Variants in DSCAM observed in about 807,000 individuals in gnomAD.
DSCAM encodes cell adhesion molecule DSCAM.
A neutral mutation model predicts 217.7 loss-of-function variants in DSCAM; 47 were observed. The ratio of observed to expected loss-of-function variants is 0.22; its 90% confidence interval spans 0.17 to 0.28. The LOEUF is 0.28. Among genes scored for constraint, DSCAM ranks in the 10% least tolerant of loss-of-function variants. The probability of loss-of-function intolerance (pLI) is 1.00; values close to 1 mark genes in which losing one functional copy is unlikely to be tolerated. For missense variants in DSCAM, 2,080 were observed against 2,618.3 expected, an observed-to-expected ratio of 0.79 and a Z score of 4.49; for synonymous variants, 1,056 against 1,015.3, an observed-to-expected ratio of 1.04 and a Z score of -0.76.
chr21:40,738,572 G>C (rs1487064648), intron 1 of DSCAM, among the ~76,000 whole-genome samples: 2 of 152,096 alleles, frequency 1.3e-5, no homozygotes, highest in Non-Finnish European at 2.9e-5. Context: ...CTTGCCTTTT[G>C]GAGACCTCTC....
intron 4 of DSCAM, among the ~76,000 whole-genome samples, chr21:40,356,044 T>C (rs1341170748): frequency 1.3e-5 from 2 of 152,224 alleles, no homozygotes; most frequent in Non-Finnish European, 2.9e-5. Flanking sequence ...TGTATATGTA[T>C]ATCAACACTT....
At chr21:40,290,022 A>G (rs2073871507) in intron 10 of DSCAM, among the ~76,000 whole-genome samples, 1 of 152,176 alleles carries the variant, frequency 6.6e-6, no homozygotes, top group Non-Finnish European at 1.5e-5. Context: ...CACAAAGAAG[A>G]ACAGACCTTG....
chr21:40,312,316 A>T lies in DSCAM; in HGVS notation c.1827T>A (p.Ile609=). 6.2e-7 allele frequency: 1 copy of T among 1,614,084 alleles called. No homozygotes were observed. The highest frequency in any genetic ancestry group is 8.5e-7 in the Non-Finnish European group (1 of 1,179,998). Reference sequence around the variant, plus strand: ...CACAGGGGATGAAGACCCGCTGCCCAATGGAGAATCTTGGAAACTCAAAGG... The same window carrying T: ...CACAGGGGATGAAGACCCGCTGCCCTATGGAGAATCTTGGAAACTCAAAGG... ...IQPFEFPRFS[I]GQRVFIPCVV... The change falls in exon 9 of 33, where the codon ATT becomes ATA. Residue 609 remains isoleucine (I), a synonymous_variant. Transcript: ENST00000400454.
intron 1 of DSCAM, among the ~76,000 whole-genome samples, chr21:40,737,554 T>G (rs572547718): frequency 6.6e-6 from 1 of 152,200 alleles, no homozygotes; most frequent in African/African-American, 2.4e-5. Flanking sequence ...GGCAGGAGAA[T>G]CACTTGAACC....
intron 1 of DSCAM, among the ~76,000 whole-genome samples, chr21:40,736,793 A>C (rs565355953): frequency 6.6e-6 from 1 of 151,368 alleles, no homozygotes; most frequent in East Asian, 1.9e-4. Context: ...CTGAAGTTAC[A>C]ATCTTAAATA....
intron 1 of DSCAM, among the ~76,000 whole-genome samples, chr21:40,766,152 TG>T (rs892881659): frequency 2.4e-4 from 37 of 151,766 alleles, no homozygotes; most frequent in African/African-American, 8.7e-4. Context: ...GGGTTGGGGG[TG>T]GGGGAAGAAA....
At chr21:40,545,711 G>A (rs1054688564) in intron 3 of DSCAM, among the ~76,000 whole-genome samples, 3 of 152,196 alleles carry the variant, frequency 2.0e-5, no homozygotes, top group African/African-American at 4.8e-5. Flanking sequence ...TGCAGGCATT[G>A]AGCTGGCACC....
rs547413937 is a variant in DSCAM, at chr21:40,392,422, A to G, written c.509-23177T>C. On this transcript the variant is annotated intron_variant, in intron 3 of 32. Coordinates refer to ENST00000400454, the MANE Select transcript of DSCAM (RefSeq NM_001389.5). ...CTAAAATGATATGTATTTTTTAAAT[A>G]GTTATAGGATGAGAGTGGATTAGAA... is the stretch of plus-strand genomic sequence containing the variant. 6.6e-5 allele frequency among the ~76,000 whole-genome samples: 10 copies of G among 152,364 alleles called. No individual in the cohort carries two copies. In the East Asian group the frequency reaches 1.9e-3, roughly 29 times the overall value.
rs544317579 is a variant in DSCAM at position 40,526,310 on chromosome 21, G to A, written c.509-157065C>T. On this transcript the variant is annotated intron_variant, in intron 3 of 32. Transcript: ENST00000400454. Reference sequence around the variant, plus strand: ...GTACTTAGCAGAGAGGAGAAGGTGGGAATATTGTTCATGCCTTGTTTGTGA... The same window carrying A: ...GTACTTAGCAGAGAGGAGAAGGTGGAAATATTGTTCATGCCTTGTTTGTGA... Among the ~76,000 whole-genome samples, 6 of 152,220 alleles carry A rather than the reference G, an allele frequency of 3.9e-5. No homozygotes were observed. The East Asian group carries it at 1.2e-3, about 29-fold the overall frequency.
At chr21:40,135,726 T>A (rs1045047159) in intron 18 of DSCAM, among the ~76,000 whole-genome samples, 1 of 152,250 alleles carries the variant, frequency 6.6e-6, no homozygotes, top group South Asian at 2.1e-4. Context: ...GGATATTGCA[T>A]GGAGGTTCAC....
In DSCAM at chr21:40,566,074, G is replaced by A. The variant is rs112884649; in HGVS notation, c.508+126736C>T. Among the ~76,000 whole-genome samples, 714 of 152,256 alleles carry A rather than the reference G, an allele frequency of 4.7e-3. 6 individuals are homozygous for A. The highest frequency in any genetic ancestry group is 0.016 in the African/African-American group (664 of 41,554). On this transcript the variant is annotated intron_variant, in intron 3 of 32. Transcript: ENST00000400454. The stretch of plus-strand genomic sequence containing the variant: ...TCTGTAAACCCTCTCTGCTAAATCA[G>A]TCATTAAGATGTCATCCTTTTTCCT...
intron 1 of DSCAM, among the ~76,000 whole-genome samples, chr21:40,757,949 T>G (rs1025864024): frequency 6.6e-6 from 1 of 152,156 alleles, no homozygotes. Context: ...TATTTGGAAA[T>G]AAGAACTTTG....
At chr21:40,396,616 G>C (rs2075180947) in intron 3 of DSCAM, among the ~76,000 whole-genome samples, 1 of 152,012 alleles carries the variant, frequency 6.6e-6, no homozygotes, top group Non-Finnish European at 1.5e-5. Flanking sequence ...ACTGGAGAAT[G>C]CAGGCCCCTA....
intron 27 of DSCAM, among the ~76,000 whole-genome samples, chr21:40,072,789 C>T (rs1207655854): frequency 6.6e-6 from 1 of 152,160 alleles, no homozygotes; most frequent in Non-Finnish European, 1.5e-5. Context: ...TCCCTCTTTC[C>T]CTCAGCACTT....
chr21:40,594,656 G>A (rs2077008078), intron 3 of DSCAM, among the ~76,000 whole-genome samples: 1 of 152,172 alleles, frequency 6.6e-6, no homozygotes. Flanking sequence ...AGTTAGGTGT[G>A]AACAGAGGGT....
chr21:40,021,993 G>T (rs560169308), intron 32 of DSCAM, among the ~76,000 whole-genome samples: 2 of 152,298 alleles, frequency 1.3e-5, no homozygotes, highest in Admixed American at 6.5e-5. Flanking sequence ...TCAGACACAC[G>T]CAAGGTTTGA....
intron 3 of DSCAM, among the ~76,000 whole-genome samples, chr21:40,669,730 C>T (rs577189952): frequency 3.3e-5 from 5 of 152,074 alleles, no homozygotes; most frequent in Admixed American, 3.3e-4. Context: ...AGGCGTGTGC[C>T]ACCACGCCTG....
intron 3 of DSCAM, among the ~76,000 whole-genome samples, chr21:40,651,258 T>C (rs528831072): frequency 2.0e-5 from 3 of 152,298 alleles, no homozygotes; most frequent in Middle Eastern, 3.4e-3. Flanking sequence ...TGAATCACAA[T>C]GTTTAACACC....
chr21:40,763,529 T>G (rs2091357322), intron 1 of DSCAM, among the ~76,000 whole-genome samples: 1 of 152,166 alleles, frequency 6.6e-6, no homozygotes, highest in Admixed American at 6.5e-5. Context: ...CCAAAATAAT[T>G]TATAGATTAA....
Sources: allele counts gnomAD v4.1 joint callset (sites outside exome capture counted in the v4.1 genomes callset), GRCh38; gene constraint gnomAD v4.1.1; transcripts MANE v1.5; gene names NCBI Gene and HGNC (gene_info 2026-07-23, HGNC 2026-07-21).